OTOG: variants seen among roughly 807,000 people sequenced by gnomAD.
OTOG encodes the protein otogelin.
Under a neutral mutation model 313.8 loss-of-function variants are expected in OTOG, and 296 were observed. The ratio of observed to expected loss-of-function variants is 0.94; its 90% CI spans 0.86 to 1.04. OTOG has a LOEUF of 1.04. Among genes scored for constraint, OTOG ranks in the 50% least tolerant of loss-of-function variants. The pLI, the probability that OTOG is intolerant of heterozygous loss-of-function variation, is 0.00. For missense variants in OTOG, 3,948 were observed against 3,840.1 expected (o/e 1.03, Z -0.74); for synonymous variants, 1,533 against 1,554.9 (o/e 0.99, Z 0.33).
At chr11:17,566,212 C>T (rs1412282407) in intron 15 of OTOG, among the ~76,000 whole-genome samples, 1 of 152,178 alleles carries the variant, frequency 6.6e-6, no homozygotes, top group African/African-American at 2.4e-5. Flanking sequence ...TGCATATAAC[C>T]TATGCTCATC....
chr11:17,564,843 A>G (rs980547219), intron 15 of OTOG, among the ~76,000 whole-genome samples: 2 of 152,256 alleles, frequency 1.3e-5, no homozygotes, highest in Non-Finnish European at 2.9e-5. Context: ...ATCCACAGCC[A>G]GCAGGAGGCA....
rs774943423 is a variant in OTOG at position 17,643,444 on chromosome 11, C to T, written c.8416-17C>T. 6.3e-6 allele frequency: 9 copies of T among 1,430,926 alleles called. No individual in the cohort carries two copies. Among genetic ancestry groups the T allele is most frequent in the South Asian group, 1.6e-5 (1 of 63,842 alleles). The allele number at this position is 1,430,926 out of a possible 1,614,324, so 88.6% of individuals were successfully genotyped here. On this transcript the variant is annotated splice_polypyrimidine_tract_variant and intron_variant, in intron 53 of 55. Transcript: ENST00000399397. ...GGTCTCCACACCTACCTACCTCCCC[C>T]GACTTCCTCTCTCTAGGTTGGGGGT...
chr11:17,559,630 T>A lies in OTOG; in HGVS notation c.1310T>A (p.Ile437Asn). ...CGGGCATCCTGTGTGGACAGTGAGA[T>A]CGCCTGTGTGGACGGCTGCTATTGC... is the stretch of plus-strand genomic sequence containing the variant. ...HPRASCVDSE[I>N]ACVDGCYCPN... Residue 437 changes from isoleucine (I) to asparagine (N), a missense_variant, in exon 12 of 56, where the codon ATC (isoleucine) becomes AAC (asparagine). Transcript: ENST00000399397. The A allele has an allele frequency of 6.4e-7, 1 of 1,550,884 alleles. No homozygotes were observed. Among genetic ancestry groups the A allele is most frequent in the Non-Finnish European group, 8.7e-7 (1 of 1,147,064 alleles).
chr11:17,628,702 A>C (rs745878487), intron 39 of OTOG, among the ~76,000 whole-genome samples: 7 of 152,262 alleles, frequency 4.6e-5, no homozygotes, highest in African/African-American at 1.7e-4. Flanking sequence ...AGGAAAGCCC[A>C]GAGCAGGGGT....
At chr11:17,599,824 G>A in intron 31 of OTOG, 127 bp downstream of exon 31, 2 of 1,136,482 alleles carry the variant, frequency 1.8e-6, no homozygotes, top group East Asian at 5.1e-5. Context: ...GGAATGGGAG[G>A]GCCCCCATCA....
In OTOG at chr11:17,634,274, T is replaced by A; in HGVS notation, c.7473T>A (p.Thr2491=). The part of the protein sequence containing the change: ...LPTKDPCCLG[T]VCVCNQTLCE... ...CCAAGGACCCCTGCTGCCTGGGGAC[T>A]GTCTGTGGTGAGTGTCCACCTTCAC... is the stretch of plus-strand genomic sequence containing the variant. Residue 2491 remains threonine (T), a synonymous_variant, in exon 44 of 56, where the codon ACT becomes ACA. Coordinates refer to ENST00000399397, the MANE Select transcript of OTOG (RefSeq NM_001292063.2). The A allele has an allele frequency of 6.5e-7, 1 of 1,550,158 alleles. No homozygotes were observed. Among genetic ancestry groups the A allele is most frequent in the Non-Finnish European group, 8.7e-7 (1 of 1,146,622 alleles).
intron 52 of OTOG, 41 bp downstream of exon 52, chr11:17,641,992 G>T: frequency 6.5e-7 from 1 of 1,537,990 alleles, no homozygotes. Context: ...GGGTGTCCCA[G>T]AAGGGGACAC....
In OTOG at chr11:17,559,667, G is replaced by C. The variant is rs1287655942; in HGVS notation, c.1342+5G>C. Reference sequence around the variant, plus strand: ...ACGGCTGCTATTGCCCCAATGGTATGCTAGGGGCAGACGTAGGTGCCTGGC... The same window carrying C: ...ACGGCTGCTATTGCCCCAATGGTATCCTAGGGGCAGACGTAGGTGCCTGGC... On this transcript the variant is annotated splice_donor_5th_base_variant and intron_variant, in intron 12 of 55. Coordinates refer to ENST00000399397, the MANE Select transcript of OTOG (RefSeq NM_001292063.2). The C allele has an allele frequency of 1.9e-6, 3 of 1,550,630 alleles. No individual in the cohort carries two copies. Among genetic ancestry groups the C allele is most frequent in the Middle Eastern group, 1.7e-4 (1 of 5,992 alleles).
chr11:17,563,688 C>CT (rs57937716), intron 15 of OTOG, among the ~76,000 whole-genome samples: 18,804 of 149,930 alleles, frequency 0.13, 2,659 homozygotes, highest in African/African-American at 0.35. Flanking sequence ...GAATCCCCCC[C>CT]TTTTTTTTTG....
chr11:17,598,352 TCTCTA>T (rs1238263113), intron 30 of OTOG, among the ~76,000 whole-genome samples: 1 of 152,246 alleles, frequency 6.6e-6, no homozygotes, highest in Non-Finnish European at 1.5e-5. Context: ...TTTGTCTCAG[TCTCTA>T]CTCTGGCTCA....
At chr11:17,567,938 C>G (rs958477263) in intron 15 of OTOG, among the ~76,000 whole-genome samples, 1 of 151,564 alleles carries the variant, frequency 6.6e-6, no homozygotes, top group Non-Finnish European at 1.5e-5. Context: ...GACAGAGTCC[C>G]GCTTTGTCAC....
At chr11:17,556,969 C>T (rs769083598) in intron 7 of OTOG, 149 bp from the exon 8 acceptor site, 1 of 743,468 alleles carries the variant, frequency 1.3e-6, no homozygotes, top group African/African-American at 1.8e-5. Flanking sequence ...TAATGGTATA[C>T]TTCCAGGCAC....
chr11:17,608,282 A>C lies in OTOG; in HGVS notation c.4157-14A>C, dbSNP rs1222756713. ...TCACCTGACCCAGAGTTGCTGCCCC[A>C]TCTCACTTTCTAGATGCCAAGCCCT... On this transcript the variant is annotated splice_polypyrimidine_tract_variant and intron_variant, in intron 33 of 55. Transcript: ENST00000399397. The C allele has an allele frequency of 6.6e-7, 1 of 1,507,122 alleles. No homozygotes were observed. The highest frequency in any genetic ancestry group is 2.6e-5 in the East Asian group (1 of 39,146). The allele number at this position is 1,507,122 out of a possible 1,614,324, so 93.4% of individuals were successfully genotyped here.
Position 17,561,812 on chromosome 11 carries a change from G to C in OTOG, c.1644+5G>C, listed in dbSNP as rs770129150. 20 of 1,550,092 alleles carry C rather than the reference G, an allele frequency of 1.3e-5. No individual in the cohort carries two copies. The South Asian group carries it at 2.4e-4, about 18-fold the overall frequency. ...CAGAATGCCCCATGTGGCCTGGTAA[G>C]AGCTGGGGATCCCCAGGCCCGATCC... On this transcript the variant is annotated splice_donor_5th_base_variant and intron_variant, in intron 15 of 55. Transcript: ENST00000399397.
chr11:17,579,847 G>A (rs1032232781), intron 23 of OTOG, among the ~76,000 whole-genome samples: 4 of 152,264 alleles, frequency 2.6e-5, no homozygotes, highest in Middle Eastern at 3.4e-3. Flanking sequence ...ACTGGAGACC[G>A]GGAGACCGGG....
Position 17,578,438 on chromosome 11 carries a change from A to C in OTOG, c.2671A>C (p.Ser891Arg). ...CGACCTGCACACGGACCTGGAGCTG[A>C]GCAGGGAGAGGACGTGTGAGCAGCA... Reference protein sequence around the residue: ...CSDLHTDLELSRERTCEQQLL... With the variant: ...CSDLHTDLELRRERTCEQQLL... The change falls in exon 23 of 56, where the codon AGC (serine) becomes CGC (arginine). Residue 891 changes from serine to arginine, a missense_variant. Ser to Arg is a moderately radical substitution (Grantham distance 110). Coordinates refer to ENST00000399397, the MANE Select transcript of OTOG (RefSeq NM_001292063.2). 6.5e-7 allele frequency: 1 copy of C among 1,541,712 alleles called. No individual in the cohort carries two copies. Among genetic ancestry groups the C allele is most frequent in the Non-Finnish European group, 8.7e-7 (1 of 1,146,890 alleles).
chr11:17,566,886 A>G (rs745310295), intron 15 of OTOG, among the ~76,000 whole-genome samples: 8 of 152,144 alleles, frequency 5.3e-5, no homozygotes, highest in Non-Finnish European at 7.4e-5. Context: ...TTTTGTTATC[A>G]TCTACATTTC....
chr11:17,633,683 T>C lies in OTOG; in HGVS notation c.7076T>C (p.Phe2359Ser). 1 of 1,531,590 alleles carries C rather than the reference T, an allele frequency of 6.5e-7. No homozygotes were observed. Among genetic ancestry groups the C allele is most frequent in the East Asian group, 2.5e-5 (1 of 40,674 alleles). 94.9% of individuals were successfully genotyped at this position (1,531,590 alleles called of 1,614,324 possible). A position where few individuals can be genotyped will look rare whatever the true frequency, so the allele number is the denominator to read the frequency against. ...GGTGCCCACTGTGCCCCTGCAGCCT[T>C]CCTGTGCTCCAGCGACTCCACATAC... ...IEWRRSDYCP[F>S]LCSSDSTYQA... Residue 2359 changes from phenylalanine (F) to serine (S), a missense_variant, in exon 43 of 56, where the codon TTC (phenylalanine) becomes TCC (serine). By Grantham distance (155) the Phe-to-Ser change is radical. Coordinates refer to ENST00000399397, the MANE Select transcript of OTOG (RefSeq NM_001292063.2).
rs915386540 is a variant in OTOG, at chr11:17,612,201, G to A, written c.6163G>A (p.Glu2055Lys). 1 of 1,549,872 alleles carries A rather than the reference G, an allele frequency of 6.5e-7. No individual in the cohort carries two copies. The highest frequency in any genetic ancestry group is 1.2e-5 in the South Asian group (1 of 84,056). ...GGACTGCGTCCGCCACATCTGCCTG[G>A]AGGGCCAGCTGATTCGCGTGAATCA... is the stretch of plus-strand genomic sequence containing the variant. Reference protein sequence around the residue: ...EQDCVRHICLEGQLIRVNQSQ... With the variant: ...EQDCVRHICLKGQLIRVNQSQ... Residue 2055 changes from glutamate to lysine, a missense_variant, in exon 37 of 56, where the codon GAG becomes AAG. By Grantham distance (56) the Glu-to-Lys change is moderately conservative. Coordinates refer to ENST00000399397, the MANE Select transcript of OTOG (RefSeq NM_001292063.2).
Sources: allele counts gnomAD v4.1 joint callset (sites outside exome capture counted in the v4.1 genomes callset), GRCh38; gene constraint gnomAD v4.1.1; transcripts MANE v1.5; gene names NCBI Gene and HGNC (gene_info 2026-07-23, HGNC 2026-07-21).